The following IL1R1 variants were observed in gnomAD, a reference collection of about 807,000 sequenced individuals.
IL1R1 encodes the protein interleukin-1 receptor type 1.
A neutral mutation model predicts 50.2 loss-of-function variants in IL1R1; 22 were observed. That is an observed-to-expected ratio of 0.44 (90% CI 0.31 to 0.63). The LOEUF (loss-of-function observed/expected upper bound fraction) is 0.63. Ranked by LOEUF, IL1R1 falls within the 20% of genes least tolerant of loss-of-function variation. IL1R1 has a pLI of 0.07. For synonymous variants in IL1R1, 251 were observed against 236.7 expected (o/e 1.06, Z -0.55); for missense variants, 509 against 676.2 (o/e 0.75, Z 2.74).
chr2:102,148,673 G>C (rs909788935), intron 1 of IL1R1, among the ~76,000 whole-genome samples: 2 of 152,236 alleles, frequency 1.3e-5, no homozygotes, highest in African/African-American at 4.8e-5. Context: ...CTGGCTGTCT[G>C]TAGCTTCTCC....
chr2:102,176,240 A>G (rs919167648), intron 11 of IL1R1, 113 bp from the exon 12 acceptor site: 1 of 797,958 alleles, frequency 1.3e-6, no homozygotes, highest in Non-Finnish European at 2.0e-6. Context: ...AAGTAAGACA[A>G]GAAAAAGGCA....
chr2:102,078,541 T>C (rs911162052), intron 1 of IL1R1, among the ~76,000 whole-genome samples: 7 of 132,072 alleles, frequency 5.3e-5, no homozygotes, highest in South Asian at 4.8e-4. Context: ...ATAAAGACAC[T>C]GAATTAGCAG....
At chr2:102,114,096 G>A (rs1319470839) in intron 1 of IL1R1, among the ~76,000 whole-genome samples, 1 of 152,178 alleles carries the variant, frequency 6.6e-6, no homozygotes, top group Admixed American at 6.5e-5. Context: ...TATCAAGCAT[G>A]CCATTCAGGC....
chr2:102,137,572 C>A (rs961341980), intron 1 of IL1R1, among the ~76,000 whole-genome samples: 1 of 152,160 alleles, frequency 6.6e-6, no homozygotes, highest in African/African-American at 2.4e-5. Flanking sequence ...ATGGTCCTTA[C>A]CTGGCAAGCT....
chr2:102,123,606 C>A (rs1681523223), intron 1 of IL1R1, among the ~76,000 whole-genome samples: 1 of 151,406 alleles, frequency 6.6e-6, no homozygotes, highest in East Asian at 2.0e-4. Flanking sequence ...CGAAACCCCA[C>A]CTCTACTAAA....
chr2:102,125,563 G>C (rs1239055982), intron 1 of IL1R1, among the ~76,000 whole-genome samples: 1 of 152,160 alleles, frequency 6.6e-6, no homozygotes, highest in Non-Finnish European at 1.5e-5. Flanking sequence ...GGAAGAAGTG[G>C]GGTATCTAAA....
chr2:102,166,354 C>G (rs116006734), intron 6 of IL1R1, 73 bp downstream of exon 6: 2 of 1,161,330 alleles, frequency 1.7e-6, no homozygotes, highest in East Asian at 5.0e-5. Flanking sequence ...ATACTACTTT[C>G]ATTATCCATG....
intron 1 of IL1R1, among the ~76,000 whole-genome samples, chr2:102,124,961 C>T (rs574251446): frequency 1.9e-4 from 29 of 152,236 alleles, no homozygotes; most frequent in African/African-American, 5.3e-4. Flanking sequence ...CCCACTATCA[C>T]GAGAACAGCA....
upstream of IL1R1, among the ~76,000 whole-genome samples, chr2:102,140,667 T>G (rs1037163250): frequency 1.3e-5 from 2 of 152,162 alleles, no homozygotes; most frequent in Non-Finnish European, 2.9e-5. Context: ...GATGACAGTC[T>G]CCACCTTACG....
intron 1 of IL1R1, among the ~76,000 whole-genome samples, chr2:102,093,805 C>T (rs1460876296): frequency 6.6e-6 from 1 of 152,236 alleles, no homozygotes; most frequent in African/African-American, 2.4e-5. Context: ...AGTGGGACCT[C>T]CGCGTGACCC....
chr2:102,110,272 A>G (rs1222467093), intron 1 of IL1R1, among the ~76,000 whole-genome samples: 1 of 152,110 alleles, frequency 6.6e-6, no homozygotes, highest in Non-Finnish European at 1.5e-5. Context: ...ATTGTTTGCA[A>G]TGTTTTGTTA....
chr2:102,164,941 C>T lies in IL1R1; in HGVS notation c.229C>T (p.His77Tyr). ...AGAACAAGCCTCCAGGATTCATCAACACAAAGAGAAACTTTGGTTTGTTCC... is the reference window on the plus strand; with the variant it reads ...AGAACAAGCCTCCAGGATTCATCAATACAAAGAGAAACTTTGGTTTGTTCC... ...STEQASRIHQ[H>Y]KEKLWFVPAK... Residue 77 changes from histidine (H) to tyrosine (Y), a missense_variant, in exon 4 of 12, where the codon CAC becomes TAC. By Grantham distance (83) the His-to-Tyr change is moderately conservative. Transcript: ENST00000410023. The T allele has an allele frequency of 6.2e-7, 1 of 1,614,112 alleles. No individual in the cohort carries two copies. The highest frequency in any genetic ancestry group is 8.5e-7 in the Non-Finnish European group (1 of 1,179,994).
intron 10 of IL1R1, 48 bp downstream of exon 10, chr2:102,174,778 A>G: frequency 1.3e-6 from 2 of 1,494,368 alleles, no homozygotes; most frequent in Non-Finnish European, 1.8e-6. Flanking sequence ...GATAAGGGAT[A>G]GTTAGGAGAT....
chr2:102,106,227 C>T (rs1481385034), intron 1 of IL1R1, among the ~76,000 whole-genome samples: 4 of 151,906 alleles, frequency 2.6e-5, no homozygotes, highest in East Asian at 1.9e-4. Flanking sequence ...AGAACAGTGA[C>T]GTGTGTGTCT....
At chr2:102,130,152 T>C (rs1410300367) in intron 1 of IL1R1, among the ~76,000 whole-genome samples, 1 of 152,204 alleles carries the variant, frequency 6.6e-6, no homozygotes, top group Non-Finnish European at 1.5e-5. Context: ...CATCATGCGG[T>C]CTCTGGAAAA....
At position 102,146,468 on chromosome 2, in the gene IL1R1, T is replaced by C. The variant is rs561608679; in HGVS notation, c.-84+3448T>C. Among the ~76,000 whole-genome samples, 7 of 152,300 alleles carry C rather than the reference T, an allele frequency of 4.6e-5. No homozygotes were observed. In the East Asian group the frequency reaches 7.7e-4, roughly 17 times the overall value. ...TGCAGATGCTTGAGCTAAGCTGAACTACAACCTAGTGAGGTGAGCCATTGC... is the reference window on the plus strand; with the variant it reads ...TGCAGATGCTTGAGCTAAGCTGAACCACAACCTAGTGAGGTGAGCCATTGC... On this transcript the variant is annotated intron_variant, in intron 1 of 11. Transcript: ENST00000410023.
At position 102,171,811 on chromosome 2, in the gene IL1R1, A is replaced by G; in HGVS notation, c.732A>G (p.Ile244Met). Residue 244 changes from isoleucine to methionine, a missense_variant, in exon 8 of 12, where the codon ATA (isoleucine) becomes ATG (methionine). Coordinates refer to ENST00000410023, the MANE Select transcript of IL1R1 (RefSeq NM_000877.4). ...ETMEVDLGSQIQLICNVTGQL... is the reference protein window; with the variant it reads ...ETMEVDLGSQMQLICNVTGQL... ...ATACATTCTTTGCAGGATCCCAGATACAATTGATCTGTAATGTCACCGGCC... is the reference window on the plus strand; with the variant it reads ...ATACATTCTTTGCAGGATCCCAGATGCAATTGATCTGTAATGTCACCGGCC... 6.3e-7 allele frequency: 1 copy of G among 1,583,026 alleles called. No individual in the cohort carries two copies. The highest frequency in any genetic ancestry group is 8.7e-7 in the Non-Finnish European group (1 of 1,155,144).
At chr2:102,136,096 T>A (rs1041310593) in intron 1 of IL1R1, among the ~76,000 whole-genome samples, 1 of 152,136 alleles carries the variant, frequency 6.6e-6, no homozygotes, top group Admixed American at 6.5e-5. Flanking sequence ...TCTATTATTC[T>A]CTGTCTCAGG....
chr2:102,120,710 T>G (rs1681357172), intron 1 of IL1R1, among the ~76,000 whole-genome samples: 1 of 152,166 alleles, frequency 6.6e-6, no homozygotes, highest in South Asian at 2.1e-4. Context: ...CAATTCACCT[T>G]TGCACACACT....
Sources: allele counts gnomAD v4.1 joint callset (sites outside exome capture counted in the v4.1 genomes callset), GRCh38; gene constraint gnomAD v4.1.1; transcripts MANE v1.5; gene names NCBI Gene and HGNC (gene_info 2026-07-23, HGNC 2026-07-21).